The following NRIP1 variants were observed in gnomAD, a reference collection of about 807,000 sequenced individuals.
NRIP1 encodes nuclear receptor-interacting protein 1.
NRIP1 carries 28 observed loss-of-function variants against 75.0 expected under a neutral mutation model. The observed-to-expected ratio is 0.37, with a 90% CI of 0.28 to 0.51. The LOEUF (loss-of-function observed/expected upper bound fraction) is 0.51. Ranked by LOEUF, NRIP1 falls within the 20% of genes least tolerant of loss-of-function variation. The probability of loss-of-function intolerance (pLI) is 0.92; values close to 1 mark genes in which losing one functional copy is unlikely to be tolerated. For missense variants in NRIP1, 1,435 were observed against 1,343.7 expected, an observed-to-expected ratio of 1.07 and a Z score of -1.06; for synonymous variants, 526 against 487.6, an observed-to-expected ratio of 1.08 and a Z score of -1.04.
At chr21:15,048,090 C>A (rs1266779745) in intron 1 of NRIP1, among the ~76,000 whole-genome samples, 2 of 152,062 alleles carry the variant, frequency 1.3e-5, no homozygotes, top group African/African-American at 2.4e-5. Flanking sequence ...ACAAGTTCGC[C>A]GGCTGATATG....
intron 1 of NRIP1, chr21:15,051,197 A>T: frequency 3.8e-6 from 1 of 262,460 alleles, no homozygotes; most frequent in South Asian, 4.2e-5. Context: ...AGTATAATAA[A>T]CTTTGTTTTC....
chr21:14,962,189 G>T lies in NRIP1; in HGVS notation c.*2527C>A, dbSNP rs2086610855. The T allele has an allele frequency of 6.6e-6, 1 of 151,558 alleles. No homozygotes were observed. Among genetic ancestry groups the T allele is most frequent in the Non-Finnish European group, 1.5e-5 (1 of 67,806 alleles). 9.4% of individuals were successfully genotyped at this position (151,558 alleles called of 1,614,324 possible). A position where few individuals can be genotyped will look rare whatever the true frequency, so the allele number is the denominator to read the frequency against. ...AGAAATTGTCTAGATATCTAAAATA[G>T]TCCTTGAAAATGTGTATATGTGCAT... is the stretch of plus-strand genomic sequence containing the variant. On this transcript the variant is annotated 3_prime_UTR_variant, in exon 4 of 4. Coordinates refer to ENST00000318948, the MANE Select transcript of NRIP1 (RefSeq NM_003489.4).
Position 14,978,191 on chromosome 21 carries a change from A to G in NRIP1, c.-334-9665T>C, listed in dbSNP as rs1170987514. 2.0e-5 allele frequency among the ~76,000 whole-genome samples: 3 copies of G among 152,196 alleles called. No homozygotes were observed. The East Asian group carries it at 5.8e-4, about 29-fold the overall frequency. ...CCTGCGGGAGTAACTCAAGCATTCAACGCAAGGACACATGTATATGAGGAC... is the reference window on the plus strand; with the variant it reads ...CCTGCGGGAGTAACTCAAGCATTCAGCGCAAGGACACATGTATATGAGGAC... On this transcript the variant is annotated intron_variant, in intron 3 of 3. Transcript: ENST00000318948.
At chr21:15,018,466 T>C (rs535692887) in intron 2 of NRIP1, among the ~76,000 whole-genome samples, 27 of 152,282 alleles carry the variant, frequency 1.8e-4, no homozygotes, top group African/African-American at 6.3e-4. Flanking sequence ...AAAGCTTCTC[T>C]GAGAAAATGA....
At chr21:15,045,425 G>A (rs911712655) in intron 1 of NRIP1, among the ~76,000 whole-genome samples, 28 of 152,202 alleles carry the variant, frequency 1.8e-4, no homozygotes, top group African/African-American at 6.3e-4. Flanking sequence ...TCTATTAAGT[G>A]TGCAAAAGCT....
intron 1 of NRIP1, among the ~76,000 whole-genome samples, chr21:15,049,398 T>C (rs1471806596): frequency 1.3e-5 from 2 of 152,064 alleles, no homozygotes; most frequent in African/African-American, 4.8e-5. Context: ...GGGGATAATG[T>C]GTATTCTCCA....
intron 3 of NRIP1, among the ~76,000 whole-genome samples, chr21:14,975,638 AAAAAAAGG>A (rs2087038065): frequency 6.9e-6 from 1 of 145,484 alleles, no homozygotes; most frequent in African/African-American, 2.7e-5. Context: ...AAAAAAAAAA[AAAAAAAGG>A]AAGGAAGGAA....
intron 2 of NRIP1, among the ~76,000 whole-genome samples, chr21:15,018,262 T>C (rs1460823811): frequency 6.6e-6 from 1 of 152,128 alleles, no homozygotes; most frequent in Non-Finnish European, 1.5e-5. Flanking sequence ...TTCATCTGAG[T>C]TGAACAAATT....
intron 1 of NRIP1, among the ~76,000 whole-genome samples, chr21:15,063,672 T>C (rs572404846): frequency 2.8e-4 from 42 of 152,330 alleles, no homozygotes; most frequent in Non-Finnish European, 5.3e-4. Flanking sequence ...CAATCCCACA[T>C]GTAATCATTT....
chr21:15,015,254 G>T (rs2088197898), intron 2 of NRIP1, among the ~76,000 whole-genome samples: 1 of 152,148 alleles, frequency 6.6e-6, no homozygotes, highest in Admixed American at 6.5e-5. Flanking sequence ...GATCAGTGAG[G>T]TTGCCTGGGG....
intron 1 of NRIP1, among the ~76,000 whole-genome samples, chr21:15,057,466 G>A (rs1039787464): frequency 1.5e-4 from 23 of 152,174 alleles, no homozygotes; most frequent in African/African-American, 4.6e-4. Flanking sequence ...TCCCTCCAGC[G>A]CAATGCAGGT....
Position 14,963,362 on chromosome 21 carries a change from A to G in NRIP1, c.*1354T>C, listed in dbSNP as rs1357077142. On this transcript the variant is annotated 3_prime_UTR_variant, in exon 4 of 4. Coordinates refer to ENST00000318948, the MANE Select transcript of NRIP1 (RefSeq NM_003489.4). ...TCCATCCCTAAGGCTAACTAAGTAG[A>G]TGTTACTCATTAGAACACACAAATA... is the stretch of plus-strand genomic sequence containing the variant. The G allele has an allele frequency of 6.6e-6, 1 of 152,472 alleles. No individual in the cohort carries two copies. Among genetic ancestry groups the G allele is most frequent in the African/African-American group, 2.4e-5 (1 of 41,414 alleles). The allele number at this position is 152,472 out of a possible 1,614,324, so 9.4% of individuals were successfully genotyped here.
rs1339024045 is a variant in NRIP1, at chr21:14,968,229, T to C, written c.-37A>G. On this transcript the variant is annotated 5_prime_UTR_variant, in exon 4 of 4. Coordinates refer to ENST00000318948, the MANE Select transcript of NRIP1 (RefSeq NM_003489.4). ...GTGTTCACAAGGGCTTGGTTTCTATTCACTTTAAAGAATGGTTTTCTGTGG... is the reference window on the plus strand; with the variant it reads ...GTGTTCACAAGGGCTTGGTTTCTATCCACTTTAAAGAATGGTTTTCTGTGG... 1 of 1,461,300 alleles carries C rather than the reference T, an allele frequency of 6.8e-7. No homozygotes were observed. Among genetic ancestry groups the C allele is most frequent in the Non-Finnish European group, 9.4e-7 (1 of 1,069,066 alleles). 90.5% of individuals were successfully genotyped at this position (1,461,300 alleles called of 1,614,324 possible).
Position 14,981,716 on chromosome 21 carries a change from C to T in NRIP1, c.-334-13190G>A, listed in dbSNP as rs188392560. The stretch of plus-strand genomic sequence containing the variant: ...AGCATCATTTAATAAAATTAAATCA[C>T]TTTAACACTGAAAACTAAAATCTTT... On this transcript the variant is annotated intron_variant, in intron 3 of 3. Coordinates refer to ENST00000318948, the MANE Select transcript of NRIP1 (RefSeq NM_003489.4). Among the ~76,000 whole-genome samples, 527 of 152,282 alleles carry T rather than the reference C, an allele frequency of 3.5e-3. 3 individuals are homozygous for T. Among genetic ancestry groups the T allele is most frequent in the Non-Finnish European group, 5.2e-3 (352 of 68,014 alleles).
chr21:15,050,486 T>A, intron 1 of NRIP1: 1 of 323,094 alleles, frequency 3.1e-6, no homozygotes, highest in Non-Finnish European at 6.1e-6. Context: ...TGGAGCCAAT[T>A]TCTATAACCA....
Position 14,966,119 on chromosome 21 carries a change from T to A in NRIP1, c.2074A>T (p.Thr692Ser), listed in dbSNP as rs1156921538. ...CCAGAAAGCCCTGGTTCAGGACCTG[T>A]TGGTTGACTACTAAATGCTTTATTT... ...EENKAFSSQP[T>S]GPEPGLSGSE... Residue 692 changes from threonine to serine, a missense_variant, in exon 4 of 4, where the codon ACA becomes TCA. Transcript: ENST00000318948. The A allele has an allele frequency of 6.2e-7, 1 of 1,612,654 alleles. No homozygotes were observed. The highest frequency in any genetic ancestry group is 1.3e-5 in the African/African-American group (1 of 75,050).
intron 1 of NRIP1, among the ~76,000 whole-genome samples, chr21:15,064,487 G>A (rs1419311899): frequency 6.6e-6 from 1 of 152,078 alleles, no homozygotes; most frequent in Non-Finnish European, 1.5e-5. Context: ...CCCTTGCCCA[G>A]AACTGGCACG....
chr21:14,985,972 A>C (rs1231562371), intron 3 of NRIP1, among the ~76,000 whole-genome samples: 2 of 152,236 alleles, frequency 1.3e-5, no homozygotes, highest in African/African-American at 4.8e-5. Flanking sequence ...TGAAATAGGC[A>C]AAGTAAGCCT....
In NRIP1 at chr21:14,968,156, G is replaced by C. The variant is rs1469385723; in HGVS notation, c.37C>G (p.Gln13Glu). 6.2e-7 allele frequency: 1 copy of C among 1,613,188 alleles called. No individual in the cohort carries two copies. Among genetic ancestry groups the C allele is most frequent in the African/African-American group, 1.3e-5 (1 of 74,886 alleles). ...AGGTAAGTTAAAACAATAGAATCCTGGTGCACATCAGAGCCAAGCTCTTCT... is the reference window on the plus strand; with the variant it reads ...AGGTAAGTTAAAACAATAGAATCCTCGTGCACATCAGAGCCAAGCTCTTCT... ...HGEELGSDVHQDSIVLTYLEG... is the reference protein window; with the variant it reads ...HGEELGSDVHEDSIVLTYLEG... The change falls in exon 4 of 4, where the codon CAG (glutamine) becomes GAG (glutamate). Residue 13 changes from glutamine to glutamate, a missense_variant. Transcript: ENST00000318948.
Sources: gnomAD v4.1 joint callset for allele counts (sites outside exome capture counted in the v4.1 genomes callset) on GRCh38, gnomAD v4.1.1 for gene constraint, MANE v1.5 for transcripts, NCBI Gene and HGNC (gene_info 2026-07-23, HGNC 2026-07-21) for gene names.